Variants in MYO5B observed in about 807,000 individuals in gnomAD.
MYO5B encodes myosin VB.
MYO5B carries 143 observed loss-of-function variants against 229.3 expected under a neutral mutation model. The observed-to-expected ratio is 0.62, with a 90% CI of 0.54 to 0.72. The LOEUF (loss-of-function observed/expected upper bound fraction) is 0.72. Ranked by LOEUF, MYO5B falls within the 30% of genes least tolerant of loss-of-function variation. The probability of loss-of-function intolerance (pLI) is 0.00; values close to 1 mark genes in which losing one functional copy is unlikely to be tolerated. For synonymous variants in MYO5B, 918 were observed against 885.2 expected (o/e 1.04, Z -0.66); for missense variants, 2,321 against 2,331.0 (o/e 1.00, Z 0.09).
In MYO5B at chr18:50,170,270, G is replaced by A. The variant is rs141350804; in HGVS notation, c.27+24497C>T. 2.0e-4 allele frequency among the ~76,000 whole-genome samples: 26 copies of A among 126,874 alleles called. 7 individuals are homozygous for A. Among genetic ancestry groups the A allele is most frequent in the African/African-American group, 5.4e-4 (18 of 33,572 alleles). The allele number at this position is 126,874 out of a possible 152,430, so 83.2% of individuals were successfully genotyped here. A position where few individuals can be genotyped will look rare whatever the true frequency, so the allele number is the denominator to read the frequency against. On this transcript the variant is annotated intron_variant, in intron 1 of 39. Transcript: ENST00000285039. Reference sequence around the variant, plus strand: ...AGGATCTCTGTAGCACCGCAGCATCGCAATGAGTCAAAGCAGGTTTTCAAG... The same window carrying A: ...AGGATCTCTGTAGCACCGCAGCATCACAATGAGTCAAAGCAGGTTTTCAAG...
intron 4 of MYO5B, among the ~76,000 whole-genome samples, chr18:50,020,462 G>A (rs1309029044): frequency 6.6e-6 from 1 of 152,144 alleles, no homozygotes. Flanking sequence ...TCTGAGCTCT[G>A]GATCCTACCT....
At chr18:49,937,745 T>G (rs575663292) in intron 14 of MYO5B, among the ~76,000 whole-genome samples, 7 of 151,762 alleles carry the variant, frequency 4.6e-5, no homozygotes, top group African/African-American at 1.7e-4. Flanking sequence ...AACGTTCGTA[T>G]AGTGTGTGAT....
chr18:49,840,828 G>A (rs1293273341), intron 35 of MYO5B, among the ~76,000 whole-genome samples: 2 of 152,192 alleles, frequency 1.3e-5, no homozygotes, highest in Admixed American at 1.3e-4. Flanking sequence ...TTAGTAGTTG[G>A]GCCTCAGGTC....
intron 4 of MYO5B, among the ~76,000 whole-genome samples, chr18:50,004,524 T>G (rs763838777): frequency 1.1e-4 from 17 of 152,204 alleles, no homozygotes; most frequent in Non-Finnish European, 1.8e-4. Flanking sequence ...TTCAACAGCT[T>G]CCCTAATTCA....
chr18:49,993,970 A>C (rs528050738), intron 5 of MYO5B, among the ~76,000 whole-genome samples: 2 of 152,064 alleles, frequency 1.3e-5, no homozygotes, highest in East Asian at 3.9e-4. Flanking sequence ...GGCTTCTAAC[A>C]ATCCTAACTC....
In MYO5B at chr18:49,896,940, C is replaced by T. The variant is rs142599587; in HGVS notation, c.2812-1766G>A. Among the ~76,000 whole-genome samples the T allele has an allele frequency of 3.3e-5, 5 of 152,324 alleles. No homozygotes were observed. The East Asian group carries it at 9.6e-4, about 29-fold the overall frequency. On this transcript the variant is annotated intron_variant, in intron 21 of 39. Transcript: ENST00000285039. ...GTGTAAAACAGGAATATAATAGTAA[C>T]TCCTGCCTCAGAGGGTGGTTATCAA... is the stretch of plus-strand genomic sequence containing the variant.
intron 4 of MYO5B, among the ~76,000 whole-genome samples, chr18:50,012,128 C>G (rs1455792722): frequency 6.6e-6 from 1 of 152,218 alleles, no homozygotes; most frequent in African/African-American, 2.4e-5. Context: ...ATCAAAATCT[C>G]TGAGGGGTGA....
At chr18:50,058,499 A>G (rs541877580) in intron 1 of MYO5B, among the ~76,000 whole-genome samples, 1 of 151,764 alleles carries the variant, frequency 6.6e-6, no homozygotes, top group Non-Finnish European at 1.5e-5. Flanking sequence ...CAGAGACCCT[A>G]TGGTTCAAAG....
At chr18:49,986,077 C>T (rs1460899501) in intron 7 of MYO5B, among the ~76,000 whole-genome samples, 1 of 152,232 alleles carries the variant, frequency 6.6e-6, no homozygotes, top group African/African-American at 2.4e-5. Context: ...CCACTGCTCA[C>T]AAAGCCAAGG....
At chr18:49,897,943 G>A (rs530341137) in intron 21 of MYO5B, among the ~76,000 whole-genome samples, 74 of 152,196 alleles carry the variant, frequency 4.9e-4, no homozygotes, top group Non-Finnish European at 8.4e-4. Flanking sequence ...TGCCCTATAC[G>A]GGTGTGCCAT....
chr18:50,044,287 T>C (rs2030158782), intron 2 of MYO5B, among the ~76,000 whole-genome samples: 2 of 152,120 alleles, frequency 1.3e-5, no homozygotes, highest in South Asian at 4.2e-4. Flanking sequence ...AACAGGAATT[T>C]GATTCTAATA....
chr18:50,075,021 C>T (rs544906219), intron 1 of MYO5B, among the ~76,000 whole-genome samples: 68 of 152,278 alleles, frequency 4.5e-4, no homozygotes, highest in Non-Finnish European at 9.0e-4. Context: ...TGGTCTCGAA[C>T]TCCTGACCTC....
intron 1 of MYO5B, among the ~76,000 whole-genome samples, chr18:50,082,804 G>T (rs1276829594): frequency 6.6e-6 from 1 of 152,184 alleles, no homozygotes; most frequent in Non-Finnish European, 1.5e-5. Flanking sequence ...TTTAGGCAAA[G>T]AACTGTTTTT....
intron 1 of MYO5B, among the ~76,000 whole-genome samples, chr18:50,122,432 T>G (rs1269578073): frequency 5.4e-5 from 1 of 18,444 alleles, no homozygotes. Flanking sequence ...TGAAACCCTG[T>G]CTCAACTAAA....
At chr18:50,011,620 C>A (rs753391623) in intron 4 of MYO5B, among the ~76,000 whole-genome samples, 3 of 151,998 alleles carry the variant, frequency 2.0e-5, no homozygotes, top group Non-Finnish European at 4.4e-5. Context: ...GCCCGTGACA[C>A]CTTTCTCTCC....
chr18:49,838,944 C>A (rs1342850440), intron 36 of MYO5B, among the ~76,000 whole-genome samples, 200 bp downstream of exon 36: 4 of 152,186 alleles, frequency 2.6e-5, no homozygotes, highest in Admixed American at 2.6e-4. Flanking sequence ...GTCATCTATG[C>A]CTCTTGCACT....
At chr18:49,916,555 C>T (rs543360635) in intron 17 of MYO5B, among the ~76,000 whole-genome samples, 1 of 152,338 alleles carries the variant, frequency 6.6e-6, no homozygotes, top group South Asian at 2.1e-4. Context: ...CACTCCCTTC[C>T]CCTTTTCTCA....
chr18:50,101,125 T>G (rs2144502438), intron 1 of MYO5B, among the ~76,000 whole-genome samples: 1 of 152,310 alleles, frequency 6.6e-6, no homozygotes, highest in Middle Eastern at 3.4e-3. Flanking sequence ...AGACCTTAAG[T>G]GTTCTCACCA....
At chr18:49,912,230 A>T in intron 17 of MYO5B, 57 bp from the exon 18 acceptor site, 2 of 1,346,432 alleles carry the variant, frequency 1.5e-6, no homozygotes, top group Non-Finnish European at 2.1e-6. Context: ...GCCACACAAA[A>T]GCCAGGCGTG....
Sources: gnomAD v4.1 joint callset for allele counts (sites outside exome capture counted in the v4.1 genomes callset) on GRCh38, gnomAD v4.1.1 for gene constraint, MANE v1.5 for transcripts, NCBI Gene and HGNC (gene_info 2026-07-23, HGNC 2026-07-21) for gene names.